SLC22A9: variants seen among roughly 807,000 people sequenced by gnomAD.
The protein encoded by SLC22A9 is organic anion transporter 7.
A neutral mutation model predicts 50.1 loss-of-function variants in SLC22A9; 64 were observed. The ratio of observed to expected loss-of-function variants is 1.28; its 90% CI spans 1.04 to 1.57. The LOEUF (loss-of-function observed/expected upper bound fraction) is 1.57, where lower values mean the gene tolerates loss of function less well. Among genes scored for constraint, SLC22A9 ranks in the 40% most tolerant of loss-of-function variants. SLC22A9 has a pLI of 0.00. For synonymous variants in SLC22A9, 261 were observed against 242.5 expected (o/e 1.08, Z -0.71); for missense variants, 757 against 676.1 (o/e 1.12, Z -1.33).
chr11:63,379,109 A>G (rs775017856), intron 5 of SLC22A9, among the ~76,000 whole-genome samples: 1 of 152,214 alleles, frequency 6.6e-6, no homozygotes, highest in Non-Finnish European at 1.5e-5. Context: ...ACACTATCTG[A>G]CTTTGAACCA....
chr11:63,394,876 G>A (rs2014824923), intron 6 of SLC22A9, among the ~76,000 whole-genome samples: 1 of 151,946 alleles, frequency 6.6e-6, no homozygotes, highest in Non-Finnish European at 1.5e-5. Flanking sequence ...CTTAGGTTTG[G>A]TCGTTTAGCA....
chr11:63,382,271 T>C lies in SLC22A9; in HGVS notation c.1067T>C (p.Phe356Ser), dbSNP rs560669007. Residue 356 changes from phenylalanine (F) to serine (S), a missense_variant, in exon 6 of 10, where the codon TTT becomes TCT. Phe to Ser is a radical substitution (Grantham distance 155). Coordinates refer to ENST00000279178, the MANE Select transcript of SLC22A9 (RefSeq NM_080866.3). ...NICKRISLLSFTRFANFMAYF... is the reference protein window; with the variant it reads ...NICKRISLLSSTRFANFMAYF... ...TGTAAAAGGATCTCCCTCCTGTCCT[T>C]TACGAGGTAAGCTTCATGCAGTGTT... 34 of 1,604,372 alleles carry C rather than the reference T, an allele frequency of 2.1e-5. 1 individual carries two copies. The South Asian group carries it at 3.2e-4, about 15-fold the overall frequency.
At chr11:63,380,776 T>C (rs760460192) in intron 5 of SLC22A9, among the ~76,000 whole-genome samples, 6 of 151,962 alleles carry the variant, frequency 3.9e-5, no homozygotes, top group Non-Finnish European at 5.9e-5. Context: ...AACTTGGTGA[T>C]GAAATCATCT....
intron 6 of SLC22A9, among the ~76,000 whole-genome samples, chr11:63,403,980 G>C (rs1013902328): frequency 4.6e-5 from 7 of 152,152 alleles, no homozygotes; most frequent in African/African-American, 1.7e-4. Context: ...TGTATTTTCA[G>C]TTATGGGATC....
chr11:63,400,705 C>T (rs1183228741), intron 6 of SLC22A9, among the ~76,000 whole-genome samples: 1 of 151,920 alleles, frequency 6.6e-6, no homozygotes, highest in Non-Finnish European at 1.5e-5. Flanking sequence ...GAAACGAACA[C>T]ACACAAAAAA....
chr11:63,371,041 A>T, intron 1 of SLC22A9, 94 bp from the exon 2 acceptor site: 1 of 862,038 alleles, frequency 1.2e-6, no homozygotes, highest in Middle Eastern at 2.3e-4. Context: ...TTAGAGACTT[A>T]ATATTAGGAA....
intron 7 of SLC22A9, 113 bp from the exon 8 acceptor site, chr11:63,407,999 A>G (rs1047044956): frequency 9.5e-6 from 7 of 733,886 alleles, no homozygotes; most frequent in African/African-American, 1.8e-5. Flanking sequence ...GTTTCCCTAC[A>G]GTACATTTAA....
rs147752241 is a variant in SLC22A9 at position 63,375,826 on chromosome 11, C to T, written c.954+58C>T. The T allele has an allele frequency of 2.0e-3, 3,243 of 1,590,384 alleles. 12 individuals are homozygous for T. The Middle Eastern group carries it at 0.022, about 11-fold the overall frequency. On this transcript the variant is annotated intron_variant, in intron 5 of 9. Transcript: ENST00000279178. The stretch of plus-strand genomic sequence containing the variant: ...GGGAAGACATAACTTGTCATCAATA[C>T]TTAGCAGTAGCAGTGTCCATAAGGT...
chr11:63,396,046 C>A (rs980089604), intron 6 of SLC22A9, among the ~76,000 whole-genome samples: 2 of 152,120 alleles, frequency 1.3e-5, no homozygotes, highest in Non-Finnish European at 2.9e-5. Flanking sequence ...TGGTCTCACT[C>A]CCATTGTGTC....
At chr11:63,393,775 T>G (rs1181581816) in intron 6 of SLC22A9, among the ~76,000 whole-genome samples, 1 of 152,154 alleles carries the variant, frequency 6.6e-6, no homozygotes, top group East Asian at 1.9e-4. Flanking sequence ...ATTATGTGTC[T>G]TGGGGTTACT....
chr11:63,407,807 G>A (rs190031608), intron 7 of SLC22A9, among the ~76,000 whole-genome samples: 26 of 152,236 alleles, frequency 1.7e-4, no homozygotes, highest in East Asian at 7.7e-4. Flanking sequence ...GTCCCTGGAC[G>A]GAATAAATGA....
Position 63,408,156 on chromosome 11 carries a change from G to A in SLC22A9, c.1333G>A (p.Ala445Thr), listed in dbSNP as rs761599956. 36 of 1,613,658 alleles carry A rather than the reference G, an allele frequency of 2.2e-5. No homozygotes were observed. The highest frequency in any genetic ancestry group is 3.3e-4 in the Middle Eastern group (2 of 6,076). Reference sequence around the variant, plus strand: ...GGTTTTGGCAACACTGGGCTTAGGAGCGTCTGCTCTTGCCAATACCCTTGC... The same window carrying A: ...GGTTTTGGCAACACTGGGCTTAGGAACGTCTGCTCTTGCCAATACCCTTGC... ...REVLATLGLG[A>T]SALANTLAFA... The change falls in exon 8 of 10, where the codon GCG becomes ACG. Residue 445 changes from alanine (A) to threonine (T), a missense_variant. By Grantham distance (58) the Ala-to-Thr change is moderately conservative. Coordinates refer to ENST00000279178, the MANE Select transcript of SLC22A9 (RefSeq NM_080866.3).
intron 6 of SLC22A9, among the ~76,000 whole-genome samples, chr11:63,401,642 A>C (rs1490345992): frequency 6.6e-6 from 1 of 152,068 alleles, no homozygotes; most frequent in Non-Finnish European, 1.5e-5. Flanking sequence ...GTTACACAAA[A>C]TCAAAAAAGA....
intron 6 of SLC22A9, among the ~76,000 whole-genome samples, chr11:63,388,671 G>A (rs1401852350): frequency 6.6e-6 from 1 of 151,426 alleles, no homozygotes; most frequent in Non-Finnish European, 1.5e-5. Flanking sequence ...TTGGTATCAG[G>A]GTAATTTTAG....
chr11:63,373,611 G>A, intron 2 of SLC22A9, 33 bp from the exon 3 acceptor site: 3 of 1,485,196 alleles, frequency 2.0e-6, no homozygotes, highest in Non-Finnish European at 1.8e-6. Flanking sequence ...TGTTGTTATT[G>A]TTCCCATTAT....
chr11:63,406,944 C>G (rs760792195), intron 7 of SLC22A9, among the ~76,000 whole-genome samples: 6 of 152,172 alleles, frequency 3.9e-5, no homozygotes, highest in Non-Finnish European at 7.3e-5. Context: ...TCAACAAATA[C>G]TAAGAAACTG....
chr11:63,406,765 G>T lies in SLC22A9; in HGVS notation c.1288+54G>T, dbSNP rs192705766. On this transcript the variant is annotated intron_variant, in intron 7 of 9. Transcript: ENST00000279178. ...AAATGCCTTTGCCTCTTTTCTCAGGGATTGTACTTGTCACACCTATCTGAA... is the reference window on the plus strand; with the variant it reads ...AAATGCCTTTGCCTCTTTTCTCAGGTATTGTACTTGTCACACCTATCTGAA... 1.0e-4 allele frequency: 156 copies of T among 1,562,736 alleles called. 1 individual carries two copies. The Middle Eastern group carries it at 2.6e-3, about 26-fold the overall frequency.
chr11:63,377,246 G>C (rs1047596855), intron 5 of SLC22A9, among the ~76,000 whole-genome samples: 2 of 151,860 alleles, frequency 1.3e-5, no homozygotes, highest in Non-Finnish European at 2.9e-5. Context: ...CAGAATATAC[G>C]TTATTCTCCT....
At chr11:63,406,842 G>C in intron 7 of SLC22A9, 131 bp downstream of exon 7, 3 of 1,025,962 alleles carry the variant, frequency 2.9e-6, no homozygotes, top group Non-Finnish European at 4.2e-6. Context: ...ACACCAATCT[G>C]GGGATTTGGG....
Sources: allele counts gnomAD v4.1 joint callset (sites outside exome capture counted in the v4.1 genomes callset), GRCh38; gene constraint gnomAD v4.1.1; transcripts MANE v1.5; gene names NCBI Gene and HGNC (gene_info 2026-07-23, HGNC 2026-07-21).